SAMMSON: variants seen among roughly 807,000 people sequenced by gnomAD.
The protein encoded by SAMMSON is survival associated mitochondrial melanoma specific oncogenic non-coding RNA.
intron 6 of SAMMSON, among the ~76,000 whole-genome samples, chr3:70,284,034 C>G (rs1702116125): frequency 6.6e-6 from 1 of 152,036 alleles, no homozygotes; most frequent in Non-Finnish European, 1.5e-5. Flanking sequence ...GAGGTATTGG[C>G]TATTGGTTTT....
intron 2 of SAMMSON, among the ~76,000 whole-genome samples, chr3:70,406,049 T>G (rs867792406): frequency 6.6e-6 from 1 of 152,164 alleles, no homozygotes; most frequent in Non-Finnish European, 1.5e-5. Flanking sequence ...GAATAAATGT[T>G]AAGTGTTCTC....
At chr3:70,022,042 G>A (rs921812538) in intron 3 of SAMMSON, among the ~76,000 whole-genome samples, 3 of 152,224 alleles carry the variant, frequency 2.0e-5, no homozygotes, top group South Asian at 2.1e-4. Flanking sequence ...CACCTGCTGA[G>A]TATTAGTAGT....
At chr3:70,276,294 A>G (rs1259501392) in intron 6 of SAMMSON, among the ~76,000 whole-genome samples, 3 of 152,180 alleles carry the variant, frequency 2.0e-5, no homozygotes, top group African/African-American at 7.2e-5. Flanking sequence ...AATTTTATAT[A>G]CTGTCATTTT....
chr3:70,152,597 G>C (rs1034000927), intron 4 of SAMMSON, among the ~76,000 whole-genome samples: 1 of 152,002 alleles, frequency 6.6e-6, no homozygotes, highest in African/African-American at 2.4e-5. Flanking sequence ...ATCACTAAAA[G>C]TGGGTGGCAA....
At chr3:70,249,279 A>G (rs1487897532) in intron 5 of SAMMSON, 1 of 152,110 alleles carries the variant, frequency 6.6e-6, no homozygotes, top group African/African-American at 2.4e-5. Flanking sequence ...TCATTCATTC[A>G]CAATTTATGT....
At chr3:70,282,802 G>T (rs1454482166) in intron 6 of SAMMSON, among the ~76,000 whole-genome samples, 6 of 152,068 alleles carry the variant, frequency 3.9e-5, no homozygotes, top group Non-Finnish European at 2.9e-5. Context: ...AAATATCTAT[G>T]ACTGTTTGGT....
chr3:70,019,537 A>G lies in SAMMSON; in HGVS notation n.417+5865A>G, dbSNP rs559931937. ...CTGATGGGTCTTGACTCTTTATCCA[A>G]TTGGCCAGTCTGTGTCTTTTAATTG... On this transcript the variant is annotated intron_variant and non_coding_transcript_variant, in intron 3 of 9. Coordinates refer to ENST00000642114, the Ensembl canonical transcript of SAMMSON. Among the ~76,000 whole-genome samples the G allele has an allele frequency of 1.3e-3, 201 of 152,208 alleles. 2 individuals carry two copies. The highest frequency in any genetic ancestry group is 4.6e-3 in the African/African-American group (189 of 41,514).
At chr3:70,428,786 T>C (rs1051814945) in intron 2 of SAMMSON, among the ~76,000 whole-genome samples, 5 of 152,202 alleles carry the variant, frequency 3.3e-5, no homozygotes, top group African/African-American at 1.2e-4. Context: ...TTTATTGATT[T>C]ATATGTCTAT....
At chr3:70,253,898 A>G (rs1171361302) in intron 6 of SAMMSON, among the ~76,000 whole-genome samples, 2 of 152,194 alleles carry the variant, frequency 1.3e-5, no homozygotes. Context: ...TTTTAAACAT[A>G]CTAAAAATGT....
At chr3:70,336,609 G>A (rs753616491) in intron 7 of SAMMSON, among the ~76,000 whole-genome samples, 11 of 151,884 alleles carry the variant, frequency 7.2e-5, no homozygotes, top group Admixed American at 2.6e-4. Context: ...CTTATGAGCA[G>A]CTTTTTCTCT....
chr3:70,069,404 T>C (rs981834367), intron 3 of SAMMSON: 2 of 152,120 alleles, frequency 1.3e-5, no homozygotes, highest in East Asian at 1.9e-4. Context: ...TAAGATCTCA[T>C]AGTGCAGCAA....
intron 4 of SAMMSON, among the ~76,000 whole-genome samples, chr3:70,244,938 T>C (rs1483230956): frequency 6.6e-6 from 1 of 152,166 alleles, no homozygotes; most frequent in Non-Finnish European, 1.5e-5. Context: ...ATTCTGAATA[T>C]TCCCCCAAAT....
rs532970878 is a variant in SAMMSON, at chr3:70,242,174, T to C, written n.508-6933T>C. On this transcript the variant is annotated intron_variant and non_coding_transcript_variant, in intron 4 of 9. Coordinates refer to ENST00000642114, the Ensembl canonical transcript of SAMMSON. Reference sequence around the variant, plus strand: ...TATTTCTACTGGTAAAAGCAGAGGCTGGGGATTGGGCTTCTGGAGTATCTT... The same window carrying C: ...TATTTCTACTGGTAAAAGCAGAGGCCGGGGATTGGGCTTCTGGAGTATCTT... Among the ~76,000 whole-genome samples the C allele has an allele frequency of 2.6e-5, 4 of 152,326 alleles. No individual in the cohort carries two copies. The East Asian group carries it at 7.7e-4, about 29-fold the overall frequency.
chr3:70,206,394 C>T (rs1041100866), intron 4 of SAMMSON, among the ~76,000 whole-genome samples: 1 of 152,050 alleles, frequency 6.6e-6, no homozygotes, highest in South Asian at 2.1e-4. Context: ...CTGCCAAGCG[C>T]CTCATAACTG....
chr3:70,119,361 C>G (rs1259819131), intron 4 of SAMMSON, among the ~76,000 whole-genome samples: 1 of 152,220 alleles, frequency 6.6e-6, no homozygotes. Flanking sequence ...GCCACTGCCC[C>G]CTGACCGCTA....
In SAMMSON at chr3:70,417,677, AT is replaced by A. The variant is rs367620891; in HGVS notation, n.234-44874del. ...AGTTAGCTTCCTTTTAAAGAAGCTT[AT>A]TTTTTTTTGTGGTCCCAAAGACCCA... On this transcript the variant is annotated intron_variant and non_coding_transcript_variant, in intron 2 of 3. Coordinates refer to the SAMMSON transcript ENST00000641053. Among the ~76,000 whole-genome samples, 946 of 151,146 alleles carry A rather than the reference AT, an allele frequency of 6.3e-3. 10 individuals are homozygous for A. The highest frequency in any genetic ancestry group is 0.021 in the African/African-American group (856 of 41,286).
At chr3:70,173,462 C>G (rs1023444548) in intron 4 of SAMMSON, among the ~76,000 whole-genome samples, 1 of 151,956 alleles carries the variant, frequency 6.6e-6, no homozygotes, top group Non-Finnish European at 1.5e-5. Context: ...CAACCAAAAT[C>G]TACTTTAACT....
At chr3:70,424,583 A>C (rs937882586) in intron 2 of SAMMSON, among the ~76,000 whole-genome samples, 2 of 152,200 alleles carry the variant, frequency 1.3e-5, no homozygotes, top group African/African-American at 4.8e-5. Context: ...TGAGACCATA[A>C]AATAAATCAA....
At chr3:70,042,280 A>G (rs1010458016) in intron 3 of SAMMSON, among the ~76,000 whole-genome samples, 9 of 152,072 alleles carry the variant, frequency 5.9e-5, no homozygotes, top group Non-Finnish European at 1.3e-4. Flanking sequence ...GAGCCCTTCT[A>G]ATGTCACCTC....
Sources: gnomAD v4.1 joint callset for allele counts (sites outside exome capture counted in the v4.1 genomes callset) on GRCh38, gnomAD v4.1.1 for gene constraint, MANE v1.5 for transcripts, NCBI Gene and HGNC (gene_info 2026-07-23, HGNC 2026-07-21) for gene names.